LONRF2: variants seen among roughly 807,000 people sequenced by gnomAD.
LONRF2 encodes the protein LON peptidase N-terminal domain and RING finger protein 2.
Under a neutral mutation model 66.6 loss-of-function variants are expected in LONRF2, and 35 were observed. That is an observed-to-expected ratio of 0.53 (90% CI 0.40 to 0.70). The LOEUF is 0.70. LONRF2 is among the 30% of genes least tolerant of loss of function. The probability of loss-of-function intolerance (pLI) is 0.00; values close to 1 mark genes in which losing one functional copy is unlikely to be tolerated. For missense variants in LONRF2, 902 were observed against 1,002.1 expected (o/e 0.90, Z 1.35); for synonymous variants, 417 against 418.1 (o/e 1.00, Z 0.03).
In LONRF2 at chr2:100,278,745, C is replaced by T. The variant is rs143638001; in HGVS notation, c.*5553G>A. On this transcript the variant is annotated 3_prime_UTR_variant, in exon 12 of 12. Coordinates refer to ENST00000393437, the MANE Select transcript of LONRF2 (RefSeq NM_198461.4). ...CGGCTGAAGATGACATGGTCCCAGC[C>T]ACGACCTCGCCGTGGGAGATAACTT... 6.6e-6 allele frequency: 1 copy of T among 152,362 alleles called. No homozygotes were observed. Among genetic ancestry groups the T allele is most frequent in the Non-Finnish European group, 1.5e-5 (1 of 68,098 alleles). The allele number at this position is 152,362 out of a possible 1,614,324, so 9.4% of individuals were successfully genotyped here. A position where few individuals can be genotyped will look rare whatever the true frequency, so the allele number is the denominator to read the frequency against.
chr2:100,294,795 T>C (rs1333800981), intron 8 of LONRF2, among the ~76,000 whole-genome samples: 1 of 152,192 alleles, frequency 6.6e-6, no homozygotes, highest in African/African-American at 2.4e-5. Flanking sequence ...CTGTCAAGCC[T>C]GCTGTGATTC....
chr2:100,289,602 A>ATT (rs11424569), intron 10 of LONRF2, among the ~76,000 whole-genome samples: 2 of 151,004 alleles, frequency 1.3e-5, no homozygotes, highest in Non-Finnish European at 2.9e-5. Context: ...CACATGGTTA[A>ATT]TTTTTTTATA....
At chr2:100,285,293 A>T (rs1342787087) in intron 11 of LONRF2, among the ~76,000 whole-genome samples, 1 of 152,198 alleles carries the variant, frequency 6.6e-6, no homozygotes, top group Non-Finnish European at 1.5e-5. Flanking sequence ...GCCAAAGCTC[A>T]CCAGGGGTAG....
chr2:100,322,287 C>A lies in LONRF2; in HGVS notation c.-194G>T. On this transcript the variant is annotated 5_prime_UTR_variant, in exon 1 of 12. Coordinates refer to ENST00000393437, the MANE Select transcript of LONRF2 (RefSeq NM_198461.4). ...CCTGGCTTGGGCAGCGTCCTCAGCG[C>A]GGTGTGGGCGGCGAGCCCCGCAGGG... The A allele has an allele frequency of 4.7e-6, 2 of 427,258 alleles. No individual in the cohort carries two copies. The highest frequency in any genetic ancestry group is 1.4e-3 in the Middle Eastern group (2 of 1,440). The allele number at this position is 427,258 out of a possible 1,614,324, so 26.5% of individuals were successfully genotyped here.
Position 100,284,462 on chromosome 2 carries a change from A to C in LONRF2, c.2101T>G (p.Trp701Gly). Reference sequence around the variant, plus strand: ...TCCAGGGGCAGCACGGCCAGGATCCACCAGGACCAGGCAGGGCCGCTGGGA... The same window carrying C: ...TCCAGGGGCAGCACGGCCAGGATCCCCCAGGACCAGGCAGGGCCGCTGGGA... ...SNPSGPAWSW[W>G]ILAVLPLERK... Residue 701 changes from tryptophan (W) to glycine (G), a missense_variant, in exon 12 of 12, where the codon TGG becomes GGG. Coordinates refer to ENST00000393437, the MANE Select transcript of LONRF2 (RefSeq NM_198461.4). The C allele has an allele frequency of 6.2e-7, 1 of 1,605,636 alleles. No individual in the cohort carries two copies. The highest frequency in any genetic ancestry group is 8.5e-7 in the Non-Finnish European group (1 of 1,176,154).
chr2:100,311,382 A>G (rs79792942), intron 1 of LONRF2, among the ~76,000 whole-genome samples: 6 of 151,518 alleles, frequency 4.0e-5, no homozygotes, highest in Admixed American at 6.6e-5. Context: ...GAAAAAAAAA[A>G]TGTGCTCCTG....
At position 100,322,205 on chromosome 2, in the gene LONRF2, A is replaced by C; in HGVS notation, c.-112T>G. 2.6e-5 allele frequency: 24 copies of C among 935,022 alleles called. No individual in the cohort carries two copies. The highest frequency in any genetic ancestry group is 2.0e-4 in the East Asian group (4 of 19,908). 57.9% of individuals were successfully genotyped at this position (935,022 alleles called of 1,614,324 possible). On this transcript the variant is annotated 5_prime_UTR_variant, in exon 1 of 12. Transcript: ENST00000393437. ...GCGGTCTCAGCCCTCGCCAGCAGCCACGCGCGTCTGGGGGCGGCGCGCTGC... is the reference window on the plus strand; with the variant it reads ...GCGGTCTCAGCCCTCGCCAGCAGCCCCGCGCGTCTGGGGGCGGCGCGCTGC...
chr2:100,308,824 G>T (rs1214280503), intron 2 of LONRF2, among the ~76,000 whole-genome samples: 2 of 139,460 alleles, frequency 1.4e-5, no homozygotes, highest in African/African-American at 4.9e-5. Context: ...TATAAAATTT[G>T]ATGATTTTAT....
chr2:100,284,262 CA>C lies in LONRF2; in HGVS notation c.*35del. 6.8e-7 allele frequency: 1 copy of C among 1,463,814 alleles called. No homozygotes were observed. 90.7% of individuals were successfully genotyped at this position (1,463,814 alleles called of 1,614,324 possible). On this transcript the variant is annotated 3_prime_UTR_variant, in exon 12 of 12. Coordinates refer to ENST00000393437, the MANE Select transcript of LONRF2 (RefSeq NM_198461.4). ...CGTCCATGCCTGACATTTATAAAAGCACAAGGGCTGCCAGAAACCTTGACAG... is the reference window on the plus strand; with the variant it reads ...CGTCCATGCCTGACATTTATAAAAGCCAAGGGCTGCCAGAAACCTTGACAG...
intron 3 of LONRF2, 54 bp downstream of exon 3, chr2:100,302,867 C>G: frequency 6.8e-7 from 1 of 1,473,020 alleles, no homozygotes; most frequent in Non-Finnish European, 9.1e-7. Context: ...TCAGCATGGA[C>G]ATGAAGGCTA....
intron 8 of LONRF2, among the ~76,000 whole-genome samples, chr2:100,294,664 A>G (rs534133886): frequency 2.0e-5 from 3 of 152,300 alleles, no homozygotes. Context: ...TAAGCACTCT[A>G]AAAAAATTCT....
chr2:100,289,189 G>C (rs1674906586), intron 10 of LONRF2, among the ~76,000 whole-genome samples: 1 of 152,048 alleles, frequency 6.6e-6, no homozygotes, highest in African/African-American at 2.4e-5. Flanking sequence ...GTTTCCGGAA[G>C]TCACATTTAA....
At chr2:100,290,873 C>T (rs1189284373) in intron 9 of LONRF2, among the ~76,000 whole-genome samples, 1 of 152,204 alleles carries the variant, frequency 6.6e-6, no homozygotes, top group Non-Finnish European at 1.5e-5. Context: ...TCTCATGCTA[C>T]CACGTGCCAA....
chr2:100,321,999 T>G lies in LONRF2; in HGVS notation c.95A>C (p.Glu32Ala). 1 of 1,457,096 alleles carries G rather than the reference T, an allele frequency of 6.9e-7. No homozygotes were observed. Among genetic ancestry groups the G allele is most frequent in the Non-Finnish European group, 9.0e-7 (1 of 1,105,842 alleles). 90.3% of individuals were successfully genotyped at this position (1,457,096 alleles called of 1,614,324 possible). ...PIAQRLEEGD[E>A]AFRAGDYEMA... ...CTCGTAGTCGCCCGCGCGGAAGGCC[T>G]CGTCGCCCTCCTCTAAGCGCTGGGC... is the stretch of plus-strand genomic sequence containing the variant. The change falls in exon 1 of 12, where the codon GAG becomes GCG. Residue 32 changes from glutamate (E) to alanine (A), a missense_variant. Physicochemically the swap from Glu to Ala is moderately radical, Grantham distance 107 (BLOSUM62 -1). This residue lies in a region of LONRF2 where 585 missense variants were observed against 569.9 expected (regional missense o/e 1.03). Transcript: ENST00000393437.
intron 7 of LONRF2, among the ~76,000 whole-genome samples, chr2:100,297,501 G>A (rs1394447869): frequency 6.6e-6 from 1 of 152,186 alleles, no homozygotes; most frequent in Non-Finnish European, 1.5e-5. Context: ...CTACAAGGCA[G>A]CATCGAAACA....
At chr2:100,288,799 G>A (rs552656239) in intron 10 of LONRF2, among the ~76,000 whole-genome samples, 4 of 152,268 alleles carry the variant, frequency 2.6e-5, no homozygotes, top group East Asian at 1.9e-4. Context: ...TTTCATGCAC[G>A]AGTGGTTCAT....
At chr2:100,301,373 C>T (rs775366818) in intron 3 of LONRF2, among the ~76,000 whole-genome samples, 1 of 152,220 alleles carries the variant, frequency 6.6e-6, no homozygotes, top group Non-Finnish European at 1.5e-5. Context: ...CCTGTCAAAC[C>T]TCATGGCTTC....
chr2:100,302,545 G>T (rs1675205140), intron 3 of LONRF2, among the ~76,000 whole-genome samples: 1 of 152,178 alleles, frequency 6.6e-6, no homozygotes, highest in South Asian at 2.1e-4. Flanking sequence ...CACTATGCTG[G>T]TGAACCTTTG....
At chr2:100,298,975 C>G (rs770605710) in intron 6 of LONRF2, 25 bp from the exon 7 acceptor site, 1 of 1,527,448 alleles carries the variant, frequency 6.5e-7, no homozygotes, top group Non-Finnish European at 9.1e-7. Flanking sequence ...CTGTTTTCAG[C>G]CAGAAATGTC....
Sources: gnomAD v4.1 joint callset for allele counts (sites outside exome capture counted in the v4.1 genomes callset) on GRCh38, gnomAD v4.1.1 for gene constraint, gnomAD v4.1.1 regional missense constraint, MANE v1.5 for transcripts, NCBI Gene and HGNC (gene_info 2026-07-23, HGNC 2026-07-21) for gene names.